The following TMTC4 variants were observed in gnomAD, a reference collection of about 807,000 sequenced individuals.
The protein encoded by TMTC4 is transmembrane O-mannosyltransferase targeting cadherins 4, also known as protein O-mannosyl-transferase TMTC4.
Under a neutral mutation model 86.0 loss-of-function variants are expected in TMTC4, and 65 were observed. That is an observed-to-expected ratio of 0.76 (90% confidence interval 0.62 to 0.93). The LOEUF is 0.93. Ranked by LOEUF, TMTC4 falls within the 40% of genes least tolerant of loss-of-function variation. TMTC4 has a pLI of 0.00. For missense variants in TMTC4, 866 were observed against 948.1 expected, an observed-to-expected ratio of 0.91 and a Z score of 1.14; for synonymous variants, 379 against 382.5, an observed-to-expected ratio of 0.99 and a Z score of 0.11.
intron 6 of TMTC4, among the ~76,000 whole-genome samples, chr13:100,648,396 A>C (rs571336122): frequency 6.6e-6 from 1 of 152,220 alleles, no homozygotes; most frequent in East Asian, 1.9e-4. Flanking sequence ...ATTTTGATAT[A>C]TCAAGGCAAA....
rs140890149 is a variant in TMTC4, at chr13:100,612,441, A to G, written c.2021T>C (p.Met674Thr). 21 of 1,611,552 alleles carry G rather than the reference A, an allele frequency of 1.3e-5. No homozygotes were observed. The African/African-American group carries it at 1.9e-4, about 14-fold the overall frequency. Reference protein sequence around the residue: ...LELIPNDHSLMFSLANVLGKS... With the variant: ...LELIPNDHSLTFSLANVLGKS... The stretch of plus-strand genomic sequence containing the variant: ...CCCCAGCACGTTTGCCAACGAGAAC[A>G]TGAGAGAGTGATCATTAGGTATTAA... Residue 674 changes from methionine (M) to threonine (T), a missense_variant, in exon 17 of 19, where the codon ATG (methionine) becomes ACG (threonine). Physicochemically the swap from Met to Thr is moderately conservative, Grantham distance 81. Coordinates refer to ENST00000342624, the MANE Select transcript of TMTC4 (RefSeq NM_032813.5).
intron 15 of TMTC4, among the ~76,000 whole-genome samples, chr13:100,619,830 TCCA>T (rs1438492532): frequency 6.6e-6 from 1 of 152,194 alleles, no homozygotes; most frequent in African/African-American, 2.4e-5. Context: ...ATCAATTCAC[TCCA>T]CCAAGTGATA....
chr13:100,616,135 G>C (rs1878450108), intron 15 of TMTC4, among the ~76,000 whole-genome samples: 1 of 151,990 alleles, frequency 6.6e-6, no homozygotes, highest in Non-Finnish European at 1.5e-5. Context: ...CCAATCTACA[G>C]CGGATGGGCA....
At chr13:100,671,490 G>T (rs932975564) in intron 1 of TMTC4, among the ~76,000 whole-genome samples, 1 of 152,112 alleles carries the variant, frequency 6.6e-6, no homozygotes, top group African/African-American at 2.4e-5. Flanking sequence ...CCAAGCCACA[G>T]CCCCAGGATA....
intron 7 of TMTC4, 58 bp from the exon 8 acceptor site, chr13:100,638,080 A>G: frequency 7.6e-7 from 1 of 1,323,174 alleles, no homozygotes; most frequent in Non-Finnish European, 1.1e-6. Flanking sequence ...TTAGGCAGCA[A>G]TTACACTTCA....
At chr13:100,608,447 G>A (rs1047043157) in intron 17 of TMTC4, among the ~76,000 whole-genome samples, 1 of 152,150 alleles carries the variant, frequency 6.6e-6, no homozygotes. Context: ...TCCAAGCCAG[G>A]GCAACAAAAA....
At chr13:100,656,542 CTTTT>C (rs35563246) in intron 5 of TMTC4, 74 bp from the exon 6 acceptor site, 1,888 of 383,850 alleles carry the variant, frequency 4.9e-3, no homozygotes, top group South Asian at 6.3e-3. Flanking sequence ...GGAGACATAA[CTTTT>C]TTTTTTTTTT....
intron 5 of TMTC4, among the ~76,000 whole-genome samples, chr13:100,658,348 G>A (rs1885356418): frequency 6.6e-6 from 1 of 152,150 alleles, no homozygotes; most frequent in South Asian, 2.1e-4. Flanking sequence ...GAGGCAGCTG[G>A]TGCATCCTGG....
At chr13:100,668,161 T>C (rs1197879933) in intron 3 of TMTC4, among the ~76,000 whole-genome samples, 1 of 151,236 alleles carries the variant, frequency 6.6e-6, no homozygotes, top group East Asian at 1.9e-4. Context: ...CTGCTGAAGA[T>C]GCACCTTCTG....
chr13:100,674,675 C>T (rs1019341143), intron 1 of TMTC4, 69 bp downstream of exon 1: 2 of 983,100 alleles, frequency 2.0e-6, no homozygotes, highest in Admixed American at 6.2e-5. Flanking sequence ...GGAACCCGCG[C>T]CCGCTCCGCG....
chr13:100,652,217 G>C (rs1327423145), intron 6 of TMTC4, among the ~76,000 whole-genome samples: 1 of 151,992 alleles, frequency 6.6e-6, no homozygotes, highest in Admixed American at 6.6e-5. Context: ...CGGTGGCTCA[G>C]CCTGTAATCC....
chr13:100,663,228 A>G, intron 4 of TMTC4, 48 bp from the exon 5 acceptor site: 1 of 1,551,628 alleles, frequency 6.4e-7, no homozygotes, highest in Non-Finnish European at 8.9e-7. Flanking sequence ...GGCATGCGGC[A>G]AGAAATGGCA....
chr13:100,662,970 G>A lies in TMTC4; in HGVS notation c.546C>T (p.Thr182=), dbSNP rs200010686. ...TCGGGCAGACGACACTTACACACTC[G>A]GTGTGCACAGGATGGACAGCAAACA... ...ALLFAVHPVH[T]ECVAGVVGRA... Residue 182 remains threonine, a synonymous_variant, in exon 5 of 19, where the codon ACC becomes ACT. Transcript: ENST00000342624. 14 of 1,613,690 alleles carry A rather than the reference G, an allele frequency of 8.7e-6. No homozygotes were observed. The highest frequency in any genetic ancestry group is 1.7e-4 in the Middle Eastern group (1 of 5,848).
intron 1 of TMTC4, chr13:100,673,211 G>A (rs1887357312): frequency 1.7e-6 from 1 of 594,422 alleles, no homozygotes. Context: ...CCCCACACAG[G>A]GACCCCAGAA....
At chr13:100,669,365 C>T (rs1594387524) in intron 2 of TMTC4, among the ~76,000 whole-genome samples, 1 of 152,038 alleles carries the variant, frequency 6.6e-6, no homozygotes, top group Middle Eastern at 3.4e-3. Flanking sequence ...GGCACAGGAT[C>T]GAATGCTGGG....
At chr13:100,674,671 C>G (rs1477541128) in intron 1 of TMTC4, 73 bp downstream of exon 1, 1 of 982,954 alleles carries the variant, frequency 1.0e-6, no homozygotes, top group Non-Finnish European at 1.2e-6. Flanking sequence ...GCGGGGAACC[C>G]GCGCCCGCTC....
rs370165023 is a variant in TMTC4, at chr13:100,635,050, C to G, written c.1348G>C (p.Ala450Pro). The change falls in exon 11 of 19, where the codon GCC becomes CCC. Residue 450 changes from alanine (A) to proline (P), a missense_variant. By Grantham distance (27) the Ala-to-Pro change is conservative (BLOSUM62 -1). Transcript: ENST00000342624. Reference sequence around the variant, plus strand: ...TTTTTCTTGGTATGTTTGCTCAGGGCTCCGAATCCAAAAGTCAGCAGCACA... The same window carrying G: ...TTTTTCTTGGTATGTTTGCTCAGGGGTCCGAATCCAAAAGTCAGCAGCACA... ...YCVLLTFGFG[A>P]LSKHTKKKKL... 6.2e-7 allele frequency: 1 copy of G among 1,612,700 alleles called. No individual in the cohort carries two copies. Among genetic ancestry groups the G allele is most frequent in the African/African-American group, 1.3e-5 (1 of 74,866 alleles).
chr13:100,634,751 A>G, intron 12 of TMTC4, 54 bp downstream of exon 12: 2 of 1,579,064 alleles, frequency 1.3e-6, no homozygotes, highest in East Asian at 4.5e-5. Flanking sequence ...CAGCCCAAGA[A>G]CTTAACAGAT....
intron 1 of TMTC4, among the ~76,000 whole-genome samples, chr13:100,670,939 G>A (rs1247993388): frequency 6.6e-6 from 1 of 152,238 alleles, no homozygotes; most frequent in Admixed American, 6.5e-5. Context: ...GGGCAACAGA[G>A]TGAGACCCTG....
Sources: gnomAD v4.1 joint callset for allele counts (sites outside exome capture counted in the v4.1 genomes callset) on GRCh38, gnomAD v4.1.1 for gene constraint, MANE v1.5 for transcripts, NCBI Gene and HGNC (gene_info 2026-07-23, HGNC 2026-07-21) for gene names.